TSC22D3: variants seen among roughly 807,000 people sequenced by gnomAD.
TSC22D3 encodes TSC22 domain family protein 3.
In TSC22D3, 4 loss-of-function variants were observed where a neutral mutation model predicts 11.1. That is an observed-to-expected ratio of 0.36 (90% CI 0.18 to 0.83). TSC22D3 has a LOEUF of 0.83. Among genes scored for constraint, TSC22D3 ranks in the 40% least tolerant of loss-of-function variants. The pLI is 0.48. For synonymous variants in TSC22D3, 77 were observed against 70.3 expected (o/e 1.10, Z -0.48); for missense variants, 118 against 159.4 (o/e 0.74, Z 1.40).
At chrX:107,740,504 C>T (rs1232320692) in intron 1 of TSC22D3, among the ~76,000 whole-genome samples, 3 of 111,111 alleles carry the variant, frequency 2.7e-5, no homozygotes, top group Non-Finnish European at 5.7e-5. Flanking sequence ...ATCGCTTGAA[C>T]CCGGGAGGCG....
intron 1 of TSC22D3, among the ~76,000 whole-genome samples, chrX:107,737,822 A>G (rs998874121): frequency 8.9e-6 from 1 of 112,252 alleles, no homozygotes; most frequent in South Asian, 3.7e-4. Context: ...AAACAGGGCC[A>G]GATCAATGGC....
intron 1 of TSC22D3, among the ~76,000 whole-genome samples, chrX:107,753,345 T>C (rs1380180521): frequency 9.0e-6 from 1 of 111,100 alleles, no homozygotes. Flanking sequence ...CTTCCAATTC[T>C]AGCACTTCTG....
chrX:107,759,290 C>A (rs928246867), intron 1 of TSC22D3, among the ~76,000 whole-genome samples: 2 of 111,240 alleles, frequency 1.8e-5, no homozygotes, highest in Non-Finnish European at 3.8e-5. Context: ...AACTCCCTCT[C>A]CCTGCCCAAT....
chrX:107,724,259 C>T (rs989100849), intron 1 of TSC22D3, among the ~76,000 whole-genome samples: 1 of 112,522 alleles, frequency 8.9e-6, no homozygotes, highest in South Asian at 3.6e-4. Flanking sequence ...ACACTATTGC[C>T]AGAACAGAAA....
chrX:107,734,433 T>A (rs1391260773), intron 1 of TSC22D3, among the ~76,000 whole-genome samples: 1 of 112,495 alleles, frequency 8.9e-6, no homozygotes, highest in Non-Finnish European at 1.9e-5. Flanking sequence ...AAGAAGGAAA[T>A]CATAAGCAAA....
intron 1 of TSC22D3, among the ~76,000 whole-genome samples, chrX:107,751,632 A>G (rs907964128): frequency 3.6e-5 from 4 of 112,226 alleles, no homozygotes; most frequent in African/African-American, 1.3e-4. Flanking sequence ...CATCTTCCGT[A>G]AGTGCCTGCC....
At chrX:107,729,562 C>T (rs1172387469) in intron 1 of TSC22D3, among the ~76,000 whole-genome samples, 1 of 112,312 alleles carries the variant, frequency 8.9e-6, no homozygotes, top group Non-Finnish European at 1.9e-5. Flanking sequence ...TCCTTTTTGC[C>T]CTTGTAAAAT....
chrX:107,714,792 G>A (rs1283973703), intron 2 of TSC22D3, 43 bp from the exon 3 acceptor site: 3 of 1,150,238 alleles, frequency 2.6e-6, no homozygotes, highest in East Asian at 3.0e-5. Flanking sequence ...CTTAGCCATC[G>A]TGGCCCCTCT....
chrX:107,775,458 G>A lies in TSC22D3; in HGVS notation c.-39C>T. The A allele has an allele frequency of 4.5e-6, 5 of 1,118,089 alleles. No individual in the cohort carries two copies. Among genetic ancestry groups the A allele is most frequent in the Non-Finnish European group, 5.9e-6 (5 of 841,977 alleles). The allele number at this position is 1,118,089 out of a possible 1,213,427, so 92.1% of individuals were successfully genotyped here. A position where few individuals can be genotyped will look rare whatever the true frequency, so the allele number is the denominator to read the frequency against. The stretch of plus-strand genomic sequence containing the variant: ...GAGGTCGCCTGGCCTGCGAGGTCAG[G>A]GGCGGCTGGCAGGTGCGCGCCCACC... On this transcript the variant is annotated 5_prime_UTR_variant, in exon 1 of 3. Coordinates refer to ENST00000372383, the MANE Select transcript of TSC22D3 (RefSeq NM_198057.3).
chrX:107,759,516 G>A (rs1211024764), intron 1 of TSC22D3, among the ~76,000 whole-genome samples: 1 of 112,091 alleles, frequency 8.9e-6, no homozygotes, highest in Non-Finnish European at 1.9e-5. Flanking sequence ...GCATCAGATT[G>A]GTGGCAAAGT....
chrX:107,735,236 G>A (rs192028630), intron 1 of TSC22D3, among the ~76,000 whole-genome samples: 1 of 111,850 alleles, frequency 8.9e-6, no homozygotes. Flanking sequence ...TGGGGCAGGA[G>A]CCACACAAGA....
intron 1 of TSC22D3, among the ~76,000 whole-genome samples, chrX:107,758,858 G>T (rs1212488250): frequency 9.0e-6 from 1 of 110,967 alleles, no homozygotes; most frequent in Non-Finnish European, 1.9e-5. Flanking sequence ...TTACTAATCC[G>T]TTCCAAGCCC....
chrX:107,716,536 C>T (rs1425988634), intron 1 of TSC22D3: 52 of 958,076 alleles, frequency 5.4e-5, no homozygotes, highest in Non-Finnish European at 6.6e-5. Context: ...TGACCCCCCC[C>T]TTCCTGCGTC....
chrX:107,754,008 C>T, intron 1 of TSC22D3, among the ~76,000 whole-genome samples: 1 of 109,891 alleles, frequency 9.1e-6, no homozygotes, highest in Non-Finnish European at 1.9e-5. Context: ...CTCCGCCTCC[C>T]AGGTTCAAGT....
intron 1 of TSC22D3, among the ~76,000 whole-genome samples, chrX:107,751,474 C>T (rs1284524977): frequency 2.7e-5 from 3 of 112,307 alleles, no homozygotes. Context: ...AGGACTGTAA[C>T]CCTTACTCTG....
intron 1 of TSC22D3, among the ~76,000 whole-genome samples, chrX:107,747,921 T>C (rs755553804): frequency 3.6e-5 from 4 of 112,591 alleles, no homozygotes; most frequent in African/African-American, 6.5e-5. Flanking sequence ...GTGAATCCCC[T>C]TGGGAGAGAA....
intron 1 of TSC22D3, among the ~76,000 whole-genome samples, chrX:107,737,973 C>T (rs1368486038): frequency 8.9e-6 from 1 of 112,042 alleles, no homozygotes; most frequent in African/African-American, 3.2e-5. Context: ...TGAGAGATGC[C>T]CTTTCCATAT....
At position 107,775,282 on chromosome X, in the gene TSC22D3, G is replaced by A. The variant is rs758435169; in HGVS notation, c.138C>T (p.Ser46=). 6 of 1,210,620 alleles carry A rather than the reference G, an allele frequency of 5.0e-6. No homozygotes were observed. In the South Asian group the frequency reaches 1.1e-4, roughly 21 times the overall value. ...GCTTTTCCTGCAGCTGCCGAAAGTT[G>A]CTCACTGTAGGGCTGCCCGGGTTGT... The part of the protein sequence containing the change: ...ENNNPGSPTV[S]NFRQLQEKLV... The change falls in exon 1 of 3, where the codon AGC becomes AGT. Residue 46 remains serine (S), a synonymous_variant. Transcript: ENST00000372383.
chrX:107,752,769 GC>G (rs1452755105), intron 1 of TSC22D3, among the ~76,000 whole-genome samples: 5 of 111,710 alleles, frequency 4.5e-5, no homozygotes, highest in Non-Finnish European at 9.4e-5. Flanking sequence ...CACCACTGGA[GC>G]CTAATGAGGT....
Sources: gnomAD v4.1 joint callset for allele counts (sites outside exome capture counted in the v4.1 genomes callset) on GRCh38, gnomAD v4.1.1 for gene constraint, MANE v1.5 for transcripts, NCBI Gene and HGNC (gene_info 2026-07-23, HGNC 2026-07-21) for gene names.